The following TRPM1 variants were observed in gnomAD, a reference collection of about 807,000 sequenced individuals.
TRPM1 encodes the protein TRPM1-203 APA Isoform, Intron 10.
TRPM1 carries 113 observed loss-of-function variants against 149.4 expected under a neutral mutation model. The observed-to-expected ratio is 0.76, with a 90% CI of 0.65 to 0.88. TRPM1 has a LOEUF of 0.88. Ranked by LOEUF, TRPM1 falls within the 40% of genes least tolerant of loss-of-function variation. The pLI, the probability that TRPM1 is intolerant of heterozygous loss-of-function variation, is 0.00. For synonymous variants in TRPM1, 741 were observed against 759.5 expected, an observed-to-expected ratio of 0.98 and a Z score of 0.40; for missense variants, 1,976 against 2,038.7, an observed-to-expected ratio of 0.97 and a Z score of 0.59.
chr15:31,104,289 T>G (rs559358767), upstream of TRPM1, among the ~76,000 whole-genome samples: 2 of 152,198 alleles, frequency 1.3e-5, no homozygotes, highest in East Asian at 3.9e-4. Context: ...GGGGCCCTGA[T>G]GAGGTCATGG....
At chr15:31,006,637 A>G (rs1267014624) in intron 27 of TRPM1, among the ~76,000 whole-genome samples, 1 of 152,240 alleles carries the variant, frequency 6.6e-6, no homozygotes, top group African/African-American at 2.4e-5. Context: ...TAGGAGTTAA[A>G]TAGCCGAGAT....
At chr15:31,027,468 C>G (rs2032830213) in intron 25 of TRPM1, among the ~76,000 whole-genome samples, 1 of 152,182 alleles carries the variant, frequency 6.6e-6, no homozygotes, top group Non-Finnish European at 1.5e-5. Context: ...TCAATTCTGT[C>G]TAACAAGTAG....
intron 7 of TRPM1, chr15:31,065,172 G>GA (rs764904448): frequency 1.9e-6 from 1 of 527,576 alleles, no homozygotes; most frequent in Non-Finnish European, 3.9e-6. Flanking sequence ...TACAAGTCCA[G>GA]AAAAATTAGA....
At chr15:31,078,971 A>T (rs538282716) in intron 2 of TRPM1, among the ~76,000 whole-genome samples, 1 of 152,362 alleles carries the variant, frequency 6.6e-6, no homozygotes, top group South Asian at 2.1e-4. Context: ...AAATAAATTA[A>T]TACATTGCAG....
intron 1 of TRPM1, among the ~76,000 whole-genome samples, chr15:31,127,104 T>A (rs1361398742): frequency 6.6e-6 from 1 of 152,242 alleles, no homozygotes; most frequent in African/African-American, 2.4e-5. Flanking sequence ...ATTTACCCCA[T>A]GAAGCTGGTT....
chr15:31,050,629 T>G (rs765557338), intron 11 of TRPM1, 47 bp from the exon 12 acceptor site: 10 of 1,609,406 alleles, frequency 6.2e-6, no homozygotes, highest in Non-Finnish European at 7.6e-6. Flanking sequence ...TAAGGCTCTT[T>G]CTTGTCCCCA....
intron 1 of TRPM1, among the ~76,000 whole-genome samples, chr15:31,117,778 T>A (rs1372770870): frequency 2.0e-5 from 3 of 149,186 alleles, no homozygotes; most frequent in African/African-American, 7.4e-5. Context: ...TAAGACATAA[T>A]CAAAAGGAAA....
intron 1 of TRPM1, among the ~76,000 whole-genome samples, chr15:31,121,771 T>C (rs2035884280): frequency 6.6e-6 from 1 of 152,158 alleles, no homozygotes; most frequent in Non-Finnish European, 1.5e-5. Context: ...TTCTCCACCA[T>C]CTTTTCCACA....
At chr15:31,015,444 A>G (rs1181295524) in intron 27 of TRPM1, among the ~76,000 whole-genome samples, 1 of 151,838 alleles carries the variant, frequency 6.6e-6, no homozygotes, top group Non-Finnish European at 1.5e-5. Flanking sequence ...GAGAAAAAGA[A>G]AAAAGATATA....
intron 20 of TRPM1, 184 bp from the exon 21 acceptor site, chr15:31,035,858 G>T (rs2033344471): frequency 1.3e-6 from 1 of 799,988 alleles, no homozygotes; most frequent in Non-Finnish European, 2.0e-6. Context: ...GGCAGGACGG[G>T]AGGCATTTTA....
At chr15:31,128,366 T>C (rs558576755) in intron 1 of TRPM1, among the ~76,000 whole-genome samples, 1 of 152,314 alleles carries the variant, frequency 6.6e-6, no homozygotes, top group South Asian at 2.1e-4. Flanking sequence ...TCTCTTTCGC[T>C]TGTGGGCTGC....
chr15:31,073,906 A>G (rs1022587312), intron 3 of TRPM1, among the ~76,000 whole-genome samples: 2 of 152,046 alleles, frequency 1.3e-5, no homozygotes, highest in African/African-American at 2.4e-5. Context: ...GTGATTTTTT[A>G]TAAAGAGTGT....
At chr15:31,124,654 C>CAAA (rs57964365) in intron 1 of TRPM1, among the ~76,000 whole-genome samples, 21 of 86,404 alleles carry the variant, frequency 2.4e-4, no homozygotes, top group African/African-American at 8.7e-4. Context: ...GACTCTGTCT[C>CAAA]AAAAAAAAAA....
At chr15:31,028,185 C>T (rs1310276794) in intron 25 of TRPM1, 147 bp downstream of exon 25, 1 of 930,286 alleles carries the variant, frequency 1.1e-6, no homozygotes, top group Admixed American at 2.0e-5. Flanking sequence ...TAAGTTTGAA[C>T]AAAGAGACTG....
intron 18 of TRPM1, among the ~76,000 whole-genome samples, chr15:31,039,499 A>C (rs968372077): frequency 2.6e-5 from 4 of 152,164 alleles, no homozygotes; most frequent in Admixed American, 6.5e-5. Flanking sequence ...AAATAGATAT[A>C]ATACTGCCAT....
intron 22 of TRPM1, 31 bp downstream of exon 22, chr15:31,032,658 C>G (rs368699621): frequency 1.5e-5 from 25 of 1,614,052 alleles, no homozygotes; most frequent in Non-Finnish European, 1.9e-5. Context: ...GCCAAAGTCT[C>G]TCTGGATACC....
chr15:31,136,080 C>T (rs942337979), intron 1 of TRPM1, among the ~76,000 whole-genome samples: 2 of 151,966 alleles, frequency 1.3e-5, no homozygotes, highest in Admixed American at 6.6e-5. Context: ...GCGTTTTGGT[C>T]TGTGTGTGTA....
At chr15:31,126,690 G>A (rs765592728) in intron 1 of TRPM1, among the ~76,000 whole-genome samples, 15 of 152,178 alleles carry the variant, frequency 9.9e-5, no homozygotes, top group Admixed American at 5.9e-4. Flanking sequence ...CCGGCCAGGC[G>A]CAGTGGCTCA....
chr15:31,013,762 G>A (rs2032267007), intron 27 of TRPM1, among the ~76,000 whole-genome samples: 1 of 152,028 alleles, frequency 6.6e-6, no homozygotes. Flanking sequence ...AGTGATTTTT[G>A]TAGTTGTTGT....
Sources: gnomAD v4.1 joint callset for allele counts (sites outside exome capture counted in the v4.1 genomes callset) on GRCh38, gnomAD v4.1.1 for gene constraint, MANE v1.5 for transcripts, NCBI Gene and HGNC (gene_info 2026-07-23, HGNC 2026-07-21) for gene names.